The following LARGE1 variants were observed in gnomAD, a reference collection of about 807,000 sequenced individuals.
LARGE1 encodes LARGE xylosyl- and glucuronyltransferase 1.
LARGE1 carries 43 observed loss-of-function variants against 87.6 expected under a neutral mutation model. That is an observed-to-expected ratio of 0.49 (90% confidence interval 0.38 to 0.63). LARGE1 has a LOEUF of 0.63. Among genes scored for constraint, LARGE1 ranks in the 30% least tolerant of loss-of-function variants. The probability of loss-of-function intolerance (pLI) is 0.00; values close to 1 mark genes in which losing one functional copy is unlikely to be tolerated. For synonymous variants in LARGE1, 434 were observed against 394.6 expected, an observed-to-expected ratio of 1.10 and a Z score of -1.18; for missense variants, 802 against 1,000.2, an observed-to-expected ratio of 0.80 and a Z score of 2.67.
At chr22:33,385,988 T>C (rs1024577141) in intron 7 of LARGE1, among the ~76,000 whole-genome samples, 1 of 148,866 alleles carries the variant, frequency 6.7e-6, no homozygotes, top group African/African-American at 2.4e-5. Flanking sequence ...AGAAAAGATA[T>C]ATTCACCATT....
intron 6 of LARGE1, among the ~76,000 whole-genome samples, chr22:33,512,762 C>T (rs2071116258): frequency 1.3e-5 from 2 of 152,138 alleles, no homozygotes; most frequent in Non-Finnish European, 2.9e-5. Flanking sequence ...GAGATTACAC[C>T]ACTACACTCC....
intron 1 of LARGE1, among the ~76,000 whole-genome samples, chr22:33,809,221 G>A (rs950895687): frequency 4.0e-5 from 6 of 151,336 alleles, no homozygotes; most frequent in East Asian, 3.9e-4. Flanking sequence ...GCGGTGAGCC[G>A]AGATTGCGCC....
intron 6 of LARGE1, among the ~76,000 whole-genome samples, chr22:33,449,958 C>A (rs1258722902): frequency 6.6e-6 from 1 of 151,986 alleles, no homozygotes; most frequent in Non-Finnish European, 1.5e-5. Context: ...GTTGCCCAAG[C>A]TGGAGTGCAG....
intron 11 of LARGE1, among the ~76,000 whole-genome samples, chr22:33,206,048 C>G: frequency 6.6e-6 from 1 of 151,476 alleles, no homozygotes; most frequent in South Asian, 2.1e-4. Flanking sequence ...TCCGCCTCCC[C>G]GGTTCACGCC....
chr22:33,821,954 T>TG (rs1443535797), intron 1 of LARGE1, among the ~76,000 whole-genome samples: 2 of 147,910 alleles, frequency 1.4e-5, no homozygotes, highest in African/African-American at 2.5e-5. Flanking sequence ...TTTTTTAGGT[T>TG]TTTTTTTTTT....
In LARGE1 at chr22:33,554,525, T is replaced by A. The variant is rs534919002; in HGVS notation, c.787+10323A>T. On this transcript the variant is annotated intron_variant, in intron 6 of 14. Coordinates refer to ENST00000397394, the MANE Select transcript of LARGE1 (RefSeq NM_133642.5). ...CATCTCTGCATGTCCAAAACCGAAC[T>A]CGCCGTCCAGTGCTATTCACTCTAC... Among the ~76,000 whole-genome samples, 344 of 152,186 alleles carry A rather than the reference T, an allele frequency of 2.3e-3. 1 individual carries two copies. Among genetic ancestry groups the A allele is most frequent in the African/African-American group, 7.8e-3 (325 of 41,534 alleles).
At chr22:33,072,991 C>T in the LARGE1 span, among the ~76,000 whole-genome samples, 3 of 152,148 alleles carry the variant, frequency 2.0e-5, no homozygotes, top group Non-Finnish European at 4.4e-5. Context: ...ACCAGTTTTT[C>T]CTGCGGCCGT....
intron 1 of LARGE1, among the ~76,000 whole-genome samples, chr22:33,809,587 A>G (rs1048160469): frequency 6.6e-6 from 1 of 152,224 alleles, no homozygotes; most frequent in Non-Finnish European, 1.5e-5. Flanking sequence ...TCCAATGGAA[A>G]TATTATATAA....
intron 1 of LARGE1, among the ~76,000 whole-genome samples, chr22:33,763,563 C>T (rs1334044847): frequency 2.0e-5 from 3 of 152,088 alleles, no homozygotes; most frequent in Non-Finnish European, 4.4e-5. Flanking sequence ...CTCTTAGGAG[C>T]AGGAAGTGCA....
chr22:33,433,087 C>G (rs970982210), intron 6 of LARGE1, among the ~76,000 whole-genome samples: 23 of 152,116 alleles, frequency 1.5e-4, no homozygotes, highest in Non-Finnish European at 1.6e-4. Context: ...CTCCATCATG[C>G]AGAAGGCCTT....
chr22:33,735,379 C>T (rs555840353), intron 2 of LARGE1, among the ~76,000 whole-genome samples: 4 of 152,118 alleles, frequency 2.6e-5, no homozygotes, highest in African/African-American at 9.7e-5. Context: ...CCTGGGTGTC[C>T]CCCCTGCATA....
At chr22:33,598,339 T>C (rs371365913) in intron 5 of LARGE1, among the ~76,000 whole-genome samples, 50 of 152,316 alleles carry the variant, frequency 3.3e-4, no homozygotes, top group African/African-American at 1.2e-3. Context: ...AAACAGACCA[T>C]GAGAGAACCA....
intron 2 of LARGE1, among the ~76,000 whole-genome samples, chr22:33,742,642 G>A (rs1050487186): frequency 6.6e-6 from 1 of 152,194 alleles, no homozygotes; most frequent in African/African-American, 2.4e-5. Context: ...ACCACATGGC[G>A]AGAGCACTGC....
intron 11 of LARGE1, among the ~76,000 whole-genome samples, chr22:33,207,381 A>G (rs1924737448): frequency 1.3e-5 from 2 of 152,158 alleles, no homozygotes; most frequent in Admixed American, 1.3e-4. Context: ...GTGCTTCCAG[A>G]GGTCCCTGAG....
chr22:33,797,147 G>A (rs1456713002), intron 1 of LARGE1, among the ~76,000 whole-genome samples: 1 of 152,166 alleles, frequency 6.6e-6, no homozygotes, highest in African/African-American at 2.4e-5. Flanking sequence ...GGACAGAAGA[G>A]GGTGATGGAC....
At chr22:33,828,896 CCTCTCG>C (rs1465653172) in intron 1 of LARGE1, among the ~76,000 whole-genome samples, 1 of 152,110 alleles carries the variant, frequency 6.6e-6, no homozygotes, top group Non-Finnish European at 1.5e-5. Flanking sequence ...CTTGCTATTC[CCTCTCG>C]CTGGAATGTT....
Position 33,209,887 on chromosome 22 carries a change from G to T in LARGE1, c.1731-43055C>A, listed in dbSNP as rs369521640. Among the ~76,000 whole-genome samples the T allele has an allele frequency of 1.1e-3, 175 of 152,228 alleles. 1 individual carries two copies. Among genetic ancestry groups the T allele is most frequent in the African/African-American group, 4.0e-3 (167 of 41,534 alleles). On this transcript the variant is annotated intron_variant, in intron 11 of 11. Coordinates refer to the LARGE1 transcript ENST00000608642. Reference sequence around the variant, plus strand: ...TGGTCTCGAACTCCTGGCCTCAAGGGATCCTCCCACTTCAGCTTCCCAAAG... The same window carrying T: ...TGGTCTCGAACTCCTGGCCTCAAGGTATCCTCCCACTTCAGCTTCCCAAAG...
intron 1 of LARGE1, among the ~76,000 whole-genome samples, chr22:33,907,238 C>G (rs542787120): frequency 1.3e-5 from 2 of 152,190 alleles, no homozygotes; most frequent in East Asian, 3.9e-4. Context: ...GCAGCACTCA[C>G]GCCTGGCTTA....
chr22:33,278,179 C>T (rs1288481385), intron 13 of LARGE1, among the ~76,000 whole-genome samples: 1 of 152,166 alleles, frequency 6.6e-6, no homozygotes, highest in East Asian at 1.9e-4. Flanking sequence ...CCTATGGGGG[C>T]CATGTGGCAA....
Sources: allele counts gnomAD v4.1 joint callset (sites outside exome capture counted in the v4.1 genomes callset), GRCh38; gene constraint gnomAD v4.1.1; transcripts MANE v1.5; gene names NCBI Gene and HGNC (gene_info 2026-07-23, HGNC 2026-07-21).